Variants in ANO4 observed in about 807,000 individuals in gnomAD.
ANO4 encodes the protein anoctamin-4.
ANO4 carries 69 observed loss-of-function variants against 141.9 expected under a neutral mutation model. The observed-to-expected ratio is 0.49, with a 90% CI of 0.40 to 0.59. The LOEUF (loss-of-function observed/expected upper bound fraction) is 0.59. Among genes scored for constraint, ANO4 ranks in the 20% least tolerant of loss-of-function variants. ANO4 has a pLI of 0.00. For synonymous variants in ANO4, 350 were observed against 394.3 expected (o/e 0.89, Z 1.33); for missense variants, 894 against 1,162.2 (o/e 0.77, Z 3.36).
At chr12:100,781,293 C>T (rs2033703400) in intron 3 of ANO4, among the ~76,000 whole-genome samples, 1 of 152,172 alleles carries the variant, frequency 6.6e-6, no homozygotes, top group Admixed American at 6.5e-5. Context: ...GCTCAGTAGA[C>T]ATTTACTCAC....
At chr12:100,933,769 C>A (rs1447180544) in intron 3 of ANO4, among the ~76,000 whole-genome samples, 7 of 152,212 alleles carry the variant, frequency 4.6e-5, no homozygotes, top group Admixed American at 4.6e-4. Context: ...ACATCCTCTC[C>A]AGCATCTGTT....
At chr12:100,952,133 A>G (rs1487209268) in intron 5 of ANO4, among the ~76,000 whole-genome samples, 1 of 152,134 alleles carries the variant, frequency 6.6e-6, no homozygotes, top group Non-Finnish European at 1.5e-5. Flanking sequence ...CAGCACTCTT[A>G]ACATCAGACT....
At chr12:101,047,569 A>G (rs1009637084) in intron 13 of ANO4, among the ~76,000 whole-genome samples, 19 of 152,262 alleles carry the variant, frequency 1.2e-4, no homozygotes, top group Non-Finnish European at 2.6e-4. Context: ...GGTAGCTATA[A>G]AGTACCCCCA....
At chr12:100,928,569 T>C (rs530251016) in intron 3 of ANO4, among the ~76,000 whole-genome samples, 2 of 152,306 alleles carry the variant, frequency 1.3e-5, no homozygotes, top group South Asian at 4.1e-4. Flanking sequence ...CCAGAGCTCA[T>C]GCTCTTTCCA....
chr12:101,096,983 G>A lies in ANO4; in HGVS notation c.1850+336G>A, dbSNP rs112616792. 9.6e-3 allele frequency among the ~76,000 whole-genome samples: 1,459 copies of A among 152,278 alleles called. 28 individuals carry two copies. The highest frequency in any genetic ancestry group is 0.033 in the African/African-American group (1,368 of 41,552). ...CTATGACGGCAGGTGGTACAACGGG[G>A]AGGGGGCTGTAGCATGTCCTGGATT... On this transcript the variant is annotated intron_variant, in intron 19 of 27. Coordinates refer to ENST00000392977, the MANE Select transcript of ANO4 (RefSeq NM_001286615.2).
chr12:100,954,157 C>T (rs10860665), intron 5 of ANO4, among the ~76,000 whole-genome samples: 25,538 of 152,178 alleles, frequency 0.17, 2,643 homozygotes, highest in Middle Eastern at 0.34. Flanking sequence ...CCTAGCCCCT[C>T]TTTCATTCAG....
chr12:100,933,108 CTT>C (rs5800441), intron 3 of ANO4, among the ~76,000 whole-genome samples: 115 of 148,546 alleles, frequency 7.7e-4, no homozygotes, highest in Middle Eastern at 3.5e-3. Context: ...TCTTGTCATT[CTT>C]TTTTTTTTTG....
At chr12:100,775,283 C>T (rs1008372748) in intron 3 of ANO4, among the ~76,000 whole-genome samples, 4 of 152,130 alleles carry the variant, frequency 2.6e-5, no homozygotes, top group African/African-American at 4.8e-5. Context: ...CTTGAAAATA[C>T]GTTCGTTAAA....
At position 100,815,624 on chromosome 12, in the gene ANO4, T is replaced by C. The variant is rs541520445; in HGVS notation, c.-141+20597T>C. On this transcript the variant is annotated intron_variant, in intron 1 of 27. Coordinates refer to ENST00000392977, the MANE Select transcript of ANO4 (RefSeq NM_001286615.2). ...ATACTTTGAAAGTGTGTGAAAATAA[T>C]TGTATATAAATGGTAATTCTGATTT... Among the ~76,000 whole-genome samples the C allele has an allele frequency of 3.9e-5, 6 of 152,252 alleles. No homozygotes were observed. In the South Asian group the frequency reaches 8.3e-4, roughly 21 times the overall value.
chr12:101,106,831 G>GT (rs1387851633), intron 22 of ANO4, among the ~76,000 whole-genome samples: 4 of 150,860 alleles, frequency 2.7e-5, no homozygotes, highest in Non-Finnish European at 5.9e-5. Context: ...ATATTTAAAA[G>GT]TTTTTTCCCA....
At chr12:100,950,730 C>A (rs926424902) in intron 5 of ANO4, among the ~76,000 whole-genome samples, 12 of 152,192 alleles carry the variant, frequency 7.9e-5, no homozygotes, top group Admixed American at 6.5e-4. Flanking sequence ...CCACGTCAGT[C>A]AGTCATTGGC....
chr12:100,745,013 C>T (rs1427767496), intron 3 of ANO4, among the ~76,000 whole-genome samples: 2 of 151,790 alleles, frequency 1.3e-5, no homozygotes, highest in African/African-American at 2.4e-5. Flanking sequence ...CCTCTTTTTC[C>T]ACCTCCTCCT....
At chr12:101,016,894 C>A (rs2046338455) in intron 8 of ANO4, among the ~76,000 whole-genome samples, 1 of 152,168 alleles carries the variant, frequency 6.6e-6, no homozygotes, top group Non-Finnish European at 1.5e-5. Flanking sequence ...AACCAAGACC[C>A]AGAAAAGTTG....
intron 1 of ANO4, among the ~76,000 whole-genome samples, chr12:100,890,405 C>G (rs2040047370): frequency 6.6e-6 from 1 of 152,216 alleles, no homozygotes; most frequent in South Asian, 2.1e-4. Context: ...AGATAACTTC[C>G]TAGAAGTAGA....
At chr12:100,912,563 A>G (rs929718652) in intron 2 of ANO4, among the ~76,000 whole-genome samples, 5 of 152,094 alleles carry the variant, frequency 3.3e-5, no homozygotes, top group Middle Eastern at 3.4e-3. Flanking sequence ...AAAACTTATT[A>G]TGGGTGTTTT....
chr12:100,932,044 T>G (rs2042104190), intron 3 of ANO4, among the ~76,000 whole-genome samples: 1 of 151,888 alleles, frequency 6.6e-6, no homozygotes, highest in Admixed American at 6.6e-5. Context: ...CCTTGAGAAT[T>G]CTGAGTATCA....
intron 1 of ANO4, among the ~76,000 whole-genome samples, chr12:100,822,587 A>C (rs1186910483): frequency 2.0e-5 from 3 of 152,004 alleles, no homozygotes; most frequent in African/African-American, 7.2e-5. Flanking sequence ...TTTTTTCCAA[A>C]GAAATCCAAA....
At chr12:100,804,172 G>C (rs190394024) in intron 1 of ANO4, among the ~76,000 whole-genome samples, 6 of 152,210 alleles carry the variant, frequency 3.9e-5, no homozygotes, top group Non-Finnish European at 8.8e-5. Context: ...TCATCATTGA[G>C]CTCCCACTTA....
intron 7 of ANO4, among the ~76,000 whole-genome samples, chr12:100,979,829 G>A (rs1321256457): frequency 2.6e-5 from 4 of 151,028 alleles, no homozygotes; most frequent in African/African-American, 7.3e-5. Context: ...CCGGGTTCAC[G>A]CCATTCTCCT....
Sources: gnomAD v4.1 joint callset for allele counts (sites outside exome capture counted in the v4.1 genomes callset) on GRCh38, gnomAD v4.1.1 for gene constraint, MANE v1.5 for transcripts, NCBI Gene and HGNC (gene_info 2026-07-23, HGNC 2026-07-21) for gene names.